NFATC2: variants seen among roughly 807,000 people sequenced by gnomAD.
NFATC2 encodes the protein nuclear factor of activated T-cells, cytoplasmic 2.
NFATC2 carries 22 observed loss-of-function variants against 87.3 expected under a neutral mutation model. That is an observed-to-expected ratio of 0.25 (90% CI 0.18 to 0.36). The LOEUF is 0.36. NFATC2 is among the 10% of genes least tolerant of loss of function. The pLI, the probability that NFATC2 is intolerant of heterozygous loss-of-function variation, is 1.00. For synonymous variants in NFATC2, 565 were observed against 542.2 expected, an observed-to-expected ratio of 1.04 and a Z score of -0.58; for missense variants, 1,149 against 1,259.1, an observed-to-expected ratio of 0.91 and a Z score of 1.32.
chr20:51,503,239 AT>A (rs2076120517), intron 3 of NFATC2, among the ~76,000 whole-genome samples: 1 of 152,160 alleles, frequency 6.6e-6, no homozygotes, highest in African/African-American at 2.4e-5. Flanking sequence ...ATGTGAATGC[AT>A]TTCCCCAAAA....
At chr20:51,548,923 C>A (rs1366618418) in intron 1 of NFATC2, among the ~76,000 whole-genome samples, 1 of 152,174 alleles carries the variant, frequency 6.6e-6, no homozygotes, top group East Asian at 1.9e-4. Context: ...GGTTCCAATA[C>A]CTGTAATTAT....
chr20:51,561,447 G>GA (rs1392471977), intron 1 of NFATC2, among the ~76,000 whole-genome samples: 2 of 98,754 alleles, frequency 2.0e-5, no homozygotes, highest in East Asian at 2.9e-4. Flanking sequence ...AAGAAAGAAA[G>GA]AAAGAAAGAA....
chr20:51,547,300 T>G (rs1179241202), upstream of NFATC2, among the ~76,000 whole-genome samples: 2 of 152,126 alleles, frequency 1.3e-5, no homozygotes, highest in Admixed American at 6.6e-5. Flanking sequence ...ACAAGACTCA[T>G]AGACTGTCAT....
chr20:51,394,111 C>T (rs1001367766), intron 10 of NFATC2, among the ~76,000 whole-genome samples: 6 of 152,092 alleles, frequency 3.9e-5, no homozygotes, highest in East Asian at 1.9e-4. Flanking sequence ...GTTCAACTGC[C>T]GCCCAAACCT....
chr20:51,439,001 C>T (rs1983962916), intron 6 of NFATC2, among the ~76,000 whole-genome samples: 1 of 152,192 alleles, frequency 6.6e-6, no homozygotes, highest in Non-Finnish European at 1.5e-5. Context: ...TAGAAGGTTC[C>T]TGGGAGGCTG....
chr20:51,554,501 C>A (rs1311998493), intron 1 of NFATC2, among the ~76,000 whole-genome samples: 7 of 152,116 alleles, frequency 4.6e-5, no homozygotes, highest in African/African-American at 1.7e-4. Flanking sequence ...AGTTACTGAG[C>A]TGGAGGAAAG....
chr20:51,516,207 G>A (rs2076348337), intron 3 of NFATC2, among the ~76,000 whole-genome samples: 1 of 151,762 alleles, frequency 6.6e-6, no homozygotes, highest in Admixed American at 6.6e-5. Context: ...AAAAACAAAA[G>A]GAAATGCTCA....
At chr20:51,461,456 T>G (rs1157074343) in intron 5 of NFATC2, among the ~76,000 whole-genome samples, 1 of 152,224 alleles carries the variant, frequency 6.6e-6, no homozygotes, top group Non-Finnish European at 1.5e-5. Context: ...GCAAAGTGAC[T>G]TCCCCAGGCT....
chr20:51,413,188 GCA>G, intron 9 of NFATC2, among the ~76,000 whole-genome samples: 1 of 152,016 alleles, frequency 6.6e-6, no homozygotes, highest in East Asian at 1.9e-4. Flanking sequence ...CCAGTGGCCA[GCA>G]CATTTTTGAG....
intron 9 of NFATC2, among the ~76,000 whole-genome samples, chr20:51,420,243 C>T (rs6021194): frequency 0.044 from 6,729 of 152,238 alleles, 486 homozygotes; most frequent in African/African-American, 0.15. Flanking sequence ...TAGAATATCA[C>T]CATTTTATAA....
At chr20:51,473,937 C>G (rs1361933267) in intron 5 of NFATC2, 43 bp downstream of exon 5, 1 of 1,601,504 alleles carries the variant, frequency 6.2e-7, no homozygotes, top group South Asian at 1.1e-5. Flanking sequence ...CCCACGTGCC[C>G]TACGCTTTCT....
rs1241898319 is a variant in NFATC2 at position 51,475,682 on chromosome 20, T to A, written c.1333-22A>T. On this transcript the variant is annotated intron_variant, in intron 3 of 10. Transcript: ENST00000371564. ...GGAGCTGGTGGGGGAGAAAACAAAA[T>A]CATTAAGGTGCGGGGTGTGGTGGCT... 11 of 1,612,656 alleles carry A rather than the reference T, an allele frequency of 6.8e-6. No homozygotes were observed. The East Asian group carries it at 2.5e-4, about 36-fold the overall frequency.
intron 6 of NFATC2, among the ~76,000 whole-genome samples, chr20:51,451,184 C>T (rs1244755344): frequency 1.3e-5 from 2 of 152,198 alleles, no homozygotes; most frequent in Non-Finnish European, 1.5e-5. Context: ...CTGCACCCCA[C>T]TTTGCAGGAC....
At chr20:51,549,212 A>G (rs1487091017) in intron 1 of NFATC2, among the ~76,000 whole-genome samples, 1 of 152,140 alleles carries the variant, frequency 6.6e-6, no homozygotes, top group Non-Finnish European at 1.5e-5. Flanking sequence ...ATAAAAGACA[A>G]TGTTCTGTTA....
chr20:51,526,550 C>T (rs1402124226), intron 1 of NFATC2, among the ~76,000 whole-genome samples: 1 of 152,188 alleles, frequency 6.6e-6, no homozygotes, highest in Non-Finnish European at 1.5e-5. Flanking sequence ...CCCCCATAAA[C>T]ATTTGCCGAG....
Position 51,461,490 on chromosome 20 carries a change from C to A in NFATC2, c.1709-6802G>T, listed in dbSNP as rs73615393. 0.01 allele frequency among the ~76,000 whole-genome samples: 1,589 copies of A among 152,294 alleles called. 75 individuals carry two copies. In the East Asian group the frequency reaches 0.15, roughly 15 times the overall value. ...CTTCCCTCCTGCCCCTGGATTCTGG[C>A]ACGTCATAAAGTGGCTTGGGGGGGC... is the stretch of plus-strand genomic sequence containing the variant. On this transcript the variant is annotated intron_variant, in intron 5 of 10. Coordinates refer to ENST00000371564, the MANE Select transcript of NFATC2 (RefSeq NM_012340.5).
intron 9 of NFATC2, among the ~76,000 whole-genome samples, chr20:51,427,714 C>A (rs115369096): frequency 0.19 from 28,271 of 151,988 alleles, 3,599 homozygotes; most frequent in East Asian, 0.36. Flanking sequence ...AAACACTCTT[C>A]CCTCAGACCT....
intron 5 of NFATC2, among the ~76,000 whole-genome samples, chr20:51,455,963 G>A (rs1986466316): frequency 9.3e-6 from 1 of 107,760 alleles, no homozygotes; most frequent in Non-Finnish European, 1.9e-5. Flanking sequence ...TGGATGGGTG[G>A]GTGGGTGGGT....
chr20:51,523,339 G>T lies in NFATC2; in HGVS notation c.902C>A (p.Ala301Asp), dbSNP rs2076482245. ...PAGYPPVAGS[A>D]VIMDALNSLA... The stretch of plus-strand genomic sequence containing the variant: ...GCTGTTCAGGGCATCCATGATCACG[G>T]CAGAGCCAGCCACAGGGGGGTACCC... Residue 301 changes from alanine (A) to aspartate (D), a missense_variant, in exon 2 of 11, where the codon GCC becomes GAC. Transcript: ENST00000371564. This position sits in a 1 kb window ranked among gnomAD's most constrained non-coding sequence, Gnocchi z 6.9. The T allele has an allele frequency of 6.2e-7, 1 of 1,611,974 alleles. No homozygotes were observed.
Sources: allele counts gnomAD v4.1 joint callset (sites outside exome capture counted in the v4.1 genomes callset), GRCh38; gene constraint gnomAD v4.1.1; non-coding constraint Gnocchi (gnomAD v3.1); transcripts MANE v1.5; gene names NCBI Gene and HGNC (gene_info 2026-07-23, HGNC 2026-07-21).